The following ARHGEF9 variants were observed in gnomAD, a reference collection of about 807,000 sequenced individuals.
The protein encoded by ARHGEF9 is Cdc42 guanine nucleotide exchange factor 9, also known as rho guanine nucleotide exchange factor 9.
ARHGEF9 carries 2 observed loss-of-function variants against 41.3 expected under a neutral mutation model. That is an observed-to-expected ratio of 0.05 (90% confidence interval 0.02 to 0.15). ARHGEF9 has a LOEUF of 0.15. Among genes scored for constraint, ARHGEF9 ranks in the 10% least tolerant of loss-of-function variants. ARHGEF9 has a pLI of 1.00. For missense variants in ARHGEF9, 225 were observed against 424.7 expected (o/e 0.53, Z 4.13); for synonymous variants, 160 against 154.4 (o/e 1.04, Z -0.27).
At chrX:63,720,933 T>C (rs782458490) in intron 2 of ARHGEF9, among the ~76,000 whole-genome samples, 6 of 112,118 alleles carry the variant, frequency 5.4e-5, no homozygotes, top group Non-Finnish European at 1.1e-4. Flanking sequence ...CTCTCCACTA[T>C]ATCCCACTCT....
At chrX:63,772,819 G>T (rs1480561999) in intron 1 of ARHGEF9, among the ~76,000 whole-genome samples, 8 of 111,480 alleles carry the variant, frequency 7.2e-5, no homozygotes, top group Non-Finnish European at 1.5e-4. Flanking sequence ...AGTAACACTA[G>T]CCTTCTTTCT....
Position 63,779,955 on chromosome X carries a change from C to T in ARHGEF9, c.30+5161G>A, listed in dbSNP as rs111310920. 8.9e-3 allele frequency among the ~76,000 whole-genome samples: 1,001 copies of T among 112,058 alleles called. 9 individuals carry two copies. The highest frequency in any genetic ancestry group is 0.031 in the African/African-American group (963 of 30,843). On this transcript the variant is annotated intron_variant, in intron 1 of 9. Transcript: ENST00000671741. ...CTGCATTTCCTAGCTTCCCTTGCAG[C>T]TAGCAGCAGCCATGTGACACAGTTC...
chrX:63,744,228 C>A (rs2055132531), intron 1 of ARHGEF9, among the ~76,000 whole-genome samples: 1 of 112,464 alleles, frequency 8.9e-6, no homozygotes, highest in South Asian at 3.7e-4. Flanking sequence ...ATAACAAACT[C>A]CTAGTTCTGT....
intron 4 of ARHGEF9, among the ~76,000 whole-genome samples, chrX:63,682,120 C>T (rs1238221126): frequency 9.5e-6 from 1 of 104,975 alleles, no homozygotes; most frequent in Non-Finnish European, 2.0e-5. Flanking sequence ...GTAGCAATCC[C>T]TCTTAAACTC....
At chrX:63,752,953 G>A (rs1340236014) in intron 1 of ARHGEF9, among the ~76,000 whole-genome samples, 1 of 112,074 alleles carries the variant, frequency 8.9e-6, no homozygotes, top group Non-Finnish European at 1.9e-5. Flanking sequence ...TAATACATGA[G>A]CCATAAATGG....
Position 63,655,584 on chromosome X carries a change from G to T in ARHGEF9, c.1231C>A (p.Leu411Met). The T allele has an allele frequency of 8.3e-7, 1 of 1,211,406 alleles. No individual in the cohort carries two copies. The highest frequency in any genetic ancestry group is 1.1e-6 in the Non-Finnish European group (1 of 895,304). Reference protein sequence around the residue: ...LHNKETEEIHLFFAKKLEEKI... With the variant: ...LHNKETEEIHMFFAKKLEEKI... ...TCCTCCAGCTTCTTGGCAAAGAACAGATGTATCTCCTCAGTCTCCTTGTTG... is the reference window on the plus strand; with the variant it reads ...TCCTCCAGCTTCTTGGCAAAGAACATATGTATCTCCTCAGTCTCCTTGTTG... Residue 411 changes from leucine to methionine, a missense_variant, in exon 8 of 10, where the codon CTG (leucine) becomes ATG (methionine). Physicochemically the swap from Leu to Met is conservative, Grantham distance 15 (BLOSUM62 2). This residue lies in a region of ARHGEF9 where 75 missense variants were observed against 113.2 expected (regional missense o/e 0.66). Coordinates refer to ENST00000671741, the MANE Select transcript of ARHGEF9 (RefSeq NM_001353921.2).
At chrX:63,705,250 C>T (rs2052452111) in intron 3 of ARHGEF9, among the ~76,000 whole-genome samples, 2 of 110,392 alleles carry the variant, frequency 1.8e-5, no homozygotes, top group Non-Finnish European at 3.8e-5. Flanking sequence ...CACAGTGGAC[C>T]CTAGGCTGGG....
chrX:63,645,889 T>C (rs1556313209), intron 8 of ARHGEF9, among the ~76,000 whole-genome samples: 1 of 112,005 alleles, frequency 8.9e-6, no homozygotes, highest in African/African-American at 3.2e-5. Context: ...CTCCACCACC[T>C]GTTGTTTCCT....
At chrX:63,645,237 T>C (rs1420394792) in intron 8 of ARHGEF9, among the ~76,000 whole-genome samples, 1 of 111,596 alleles carries the variant, frequency 9.0e-6, no homozygotes, top group East Asian at 2.8e-4. Flanking sequence ...TTTTCACTTT[T>C]TTTAATATAC....
intron 1 of ARHGEF9, among the ~76,000 whole-genome samples, chrX:63,753,390 AC>A (rs1273177342): frequency 8.9e-6 from 1 of 112,066 alleles, no homozygotes; most frequent in Non-Finnish European, 1.9e-5. Context: ...ACGGGAGCAA[AC>A]AATAGCATCA....
At chrX:63,641,860 C>T (rs1452610833) in intron 9 of ARHGEF9, 1 of 111,487 alleles carries the variant, frequency 9.0e-6, no homozygotes, top group African/African-American at 3.3e-5. Context: ...TAAACAGCTG[C>T]CAGCATGGCC....
At chrX:63,726,043 G>T (rs1354490684) in intron 1 of ARHGEF9, among the ~76,000 whole-genome samples, 2 of 112,049 alleles carry the variant, frequency 1.8e-5, no homozygotes, top group Non-Finnish European at 3.8e-5. Context: ...ACATATATAT[G>T]AACACACACA....
chrX:63,687,611 C>A, intron 4 of ARHGEF9, among the ~76,000 whole-genome samples: 1 of 110,190 alleles, frequency 9.1e-6, no homozygotes, highest in African/African-American at 3.3e-5. Flanking sequence ...TCAGAAAATG[C>A]CAATGTAACA....
chrX:63,649,862 C>T, intron 8 of ARHGEF9, among the ~76,000 whole-genome samples: 1 of 111,760 alleles, frequency 8.9e-6, no homozygotes, highest in Non-Finnish European at 1.9e-5. Context: ...AATTCCTCGA[C>T]ACATACACCC....
At chrX:63,692,785 A>T (rs1163523794) in intron 4 of ARHGEF9, among the ~76,000 whole-genome samples, 2 of 112,239 alleles carry the variant, frequency 1.8e-5, no homozygotes, top group Non-Finnish European at 3.8e-5. Flanking sequence ...ACTATTCAAA[A>T]TAGCCAAGAT....
At chrX:63,739,684 A>T (rs1405223559) in intron 1 of ARHGEF9, among the ~76,000 whole-genome samples, 3 of 111,753 alleles carry the variant, frequency 2.7e-5, no homozygotes, top group Non-Finnish European at 3.8e-5. Flanking sequence ...GCCTTAAAAG[A>T]ACGGTATGGG....
chrX:63,697,391 G>A, intron 3 of ARHGEF9, 87 bp from the exon 4 acceptor site: 1 of 895,363 alleles, frequency 1.1e-6, no homozygotes, highest in African/African-American at 2.0e-5. Context: ...GCCTCATTTT[G>A]GTCCCAAGAA....
intron 1 of ARHGEF9, among the ~76,000 whole-genome samples, chrX:63,749,391 C>T (rs1324793021): frequency 3.6e-5 from 4 of 111,135 alleles, no homozygotes; most frequent in South Asian, 3.8e-4. Context: ...CCACCACGCC[C>T]GGCTAATTTT....
chrX:63,782,776 AT>A (rs782727628), intron 1 of ARHGEF9, among the ~76,000 whole-genome samples: 1 of 112,227 alleles, frequency 8.9e-6, no homozygotes, highest in Non-Finnish European at 1.9e-5. Context: ...CACTAGTTAA[AT>A]TTTATCCAAC....
Sources: allele counts gnomAD v4.1 joint callset (sites outside exome capture counted in the v4.1 genomes callset), GRCh38; gene constraint gnomAD v4.1.1; regional missense constraint gnomAD v4.1.1; transcripts MANE v1.5; gene names NCBI Gene and HGNC (gene_info 2026-07-23, HGNC 2026-07-21).